Variants in TENM4 observed in about 807,000 individuals in gnomAD.
TENM4 encodes the protein teneurin transmembrane protein 4.
Under a neutral mutation model 243.3 loss-of-function variants are expected in TENM4, and 82 were observed. The ratio of observed to expected loss-of-function variants is 0.34; its 90% confidence interval spans 0.28 to 0.40. The LOEUF (loss-of-function observed/expected upper bound fraction) is 0.40. Ranked by LOEUF, TENM4 falls within the 10% of genes least tolerant of loss-of-function variation. The probability of loss-of-function intolerance (pLI) is 1.00; values close to 1 mark genes in which losing one functional copy is unlikely to be tolerated. For missense variants in TENM4, 3,138 were observed against 3,673.3 expected, an observed-to-expected ratio of 0.85 and a Z score of 3.77; for synonymous variants, 1,412 against 1,456.3, an observed-to-expected ratio of 0.97 and a Z score of 0.69.
rs535033389 is a variant in TENM4 at position 78,770,467 on chromosome 11, T to C, written c.2539+525A>G. Reference sequence around the variant, plus strand: ...AGCACCTCCTTCCTTGGGCTTTGACTGTCTAGCACTTTAAAAAAACCCAAA... The same window carrying C: ...AGCACCTCCTTCCTTGGGCTTTGACCGTCTAGCACTTTAAAAAAACCCAAA... On this transcript the variant is annotated intron_variant, in intron 18 of 33. Coordinates refer to ENST00000278550, the MANE Select transcript of TENM4 (RefSeq NM_001098816.3). 9.2e-5 allele frequency among the ~76,000 whole-genome samples: 14 copies of C among 152,378 alleles called. No homozygotes were observed. In the East Asian group the frequency reaches 2.3e-3, roughly 25 times the overall value.
rs148565853 is a variant in TENM4, at chr11:78,920,900, C to T, written c.494-17377G>A. Among the ~76,000 whole-genome samples, 296 of 152,298 alleles carry T rather than the reference C, an allele frequency of 1.9e-3. 8 individuals are homozygous for T. The East Asian group carries it at 0.051, about 26-fold the overall frequency. ...ATTTTTGTGGCGGCCAGTCTTTCCT[C>T]GTAAGTACATGCTGAGCCTCCTGTG... On this transcript the variant is annotated intron_variant, in intron 6 of 33. Coordinates refer to ENST00000278550, the MANE Select transcript of TENM4 (RefSeq NM_001098816.3).
At chr11:79,185,262 C>T (rs938719890) in intron 3 of TENM4, among the ~76,000 whole-genome samples, 4 of 152,094 alleles carry the variant, frequency 2.6e-5, no homozygotes, top group Non-Finnish European at 4.4e-5. Context: ...CGTACCACTG[C>T]ACTCTCCAGC....
At chr11:79,352,059 T>C (rs945971916) in intron 1 of TENM4, among the ~76,000 whole-genome samples, 3 of 152,206 alleles carry the variant, frequency 2.0e-5, no homozygotes, top group Non-Finnish European at 2.9e-5. Context: ...AGAGATAACA[T>C]GTATAAAAGA....
At chr11:78,703,158 A>G (rs1046143419) in intron 27 of TENM4, among the ~76,000 whole-genome samples, 1 of 152,180 alleles carries the variant, frequency 6.6e-6, no homozygotes, top group Non-Finnish European at 1.5e-5. Context: ...GAGCTTGGGC[A>G]TCGGCATTAT....
At chr11:78,862,364 T>C (rs1442263273) in intron 10 of TENM4, among the ~76,000 whole-genome samples, 1 of 152,130 alleles carries the variant, frequency 6.6e-6, no homozygotes, top group Non-Finnish European at 1.5e-5. Flanking sequence ...AGGATCTCTG[T>C]GGGAATTAAA....
intron 3 of TENM4, among the ~76,000 whole-genome samples, chr11:79,190,721 T>C (rs1309655728): frequency 2.0e-5 from 3 of 152,140 alleles, no homozygotes; most frequent in African/African-American, 7.2e-5. Context: ...GTTTTGTTAA[T>C]GTTGCAAAGC....
intron 1 of TENM4, among the ~76,000 whole-genome samples, chr11:79,392,047 T>C (rs1488262422): frequency 6.6e-6 from 1 of 152,212 alleles, no homozygotes; most frequent in Non-Finnish European, 1.5e-5. Flanking sequence ...AAACATTTAC[T>C]TATAACCAAC....
intron 4 of TENM4, among the ~76,000 whole-genome samples, chr11:79,079,757 A>T (rs1860618774): frequency 6.8e-6 from 1 of 146,130 alleles, no homozygotes; most frequent in Non-Finnish European, 1.5e-5. Flanking sequence ...TGAATCTGAG[A>T]GTTGGAGGAG....
chr11:78,838,217 T>C (rs1858163720), intron 12 of TENM4, among the ~76,000 whole-genome samples: 1 of 152,204 alleles, frequency 6.6e-6, no homozygotes, highest in Non-Finnish European at 1.5e-5. Context: ...ATACATTTTT[T>C]AAAGCTTTTC....
intron 6 of TENM4, among the ~76,000 whole-genome samples, chr11:78,934,502 G>T (rs11237662): frequency 0.036 from 5,538 of 152,232 alleles, 142 homozygotes; most frequent in Non-Finnish European, 0.063. Context: ...GGGTTAGACT[G>T]GCGGACCTGG....
chr11:79,040,178 T>G (rs1327519311), intron 6 of TENM4, among the ~76,000 whole-genome samples: 1 of 152,166 alleles, frequency 6.6e-6, no homozygotes, highest in African/African-American at 2.4e-5. Context: ...GGTGCAAGGA[T>G]GTTGGGAAGT....
At chr11:79,303,807 A>G (rs945010081) in intron 1 of TENM4, among the ~76,000 whole-genome samples, 1 of 152,182 alleles carries the variant, frequency 6.6e-6, no homozygotes, top group African/African-American at 2.4e-5. Flanking sequence ...TTAATGATGG[A>G]TGGCTGGCCT....
chr11:78,654,712 G>C lies in TENM4; in HGVS notation c.*3346C>G, dbSNP rs1273126373. ...GGGTTAATTCTCAGCCAACAATTCT[G>C]AGAGATGAGGGTCAGAGGCTGACAA... On this transcript the variant is annotated 3_prime_UTR_variant, in exon 34 of 34. Coordinates refer to ENST00000278550, the MANE Select transcript of TENM4 (RefSeq NM_001098816.3). 1 of 151,016 alleles carries C rather than the reference G, an allele frequency of 6.6e-6. No homozygotes were observed. Among genetic ancestry groups the C allele is most frequent in the Non-Finnish European group, 1.5e-5 (1 of 67,766 alleles). 9.4% of individuals were successfully genotyped at this position (151,016 alleles called of 1,614,324 possible).
At chr11:79,037,789 A>C (rs1027046820) in intron 6 of TENM4, among the ~76,000 whole-genome samples, 1 of 152,226 alleles carries the variant, frequency 6.6e-6, no homozygotes, top group Non-Finnish European at 1.5e-5. Context: ...CATAGCTAAG[A>C]ATGTAACGGT....
intron 1 of TENM4, among the ~76,000 whole-genome samples, chr11:79,409,903 G>A (rs1858662598): frequency 6.6e-6 from 1 of 152,104 alleles, no homozygotes; most frequent in Admixed American, 6.5e-5. Flanking sequence ...ATGAGCTCTA[G>A]TTGCCCACAG....
At chr11:78,960,072 G>T (rs905790357) in intron 6 of TENM4, among the ~76,000 whole-genome samples, 2 of 152,048 alleles carry the variant, frequency 1.3e-5, no homozygotes, top group African/African-American at 4.8e-5. Context: ...GGAAACTGAG[G>T]CTTAGAAAGA....
chr11:78,997,143 T>C (rs1350773413), intron 6 of TENM4, among the ~76,000 whole-genome samples: 1 of 152,190 alleles, frequency 6.6e-6, no homozygotes, highest in Non-Finnish European at 1.5e-5. Context: ...ATGTTTTGTG[T>C]ATAAAGCTCC....
intron 9 of TENM4, among the ~76,000 whole-genome samples, chr11:78,873,566 T>C (rs772549162): frequency 5.3e-5 from 8 of 152,298 alleles, no homozygotes; most frequent in African/African-American, 1.7e-4. Flanking sequence ...CTAACCACTA[T>C]ACCACACTGC....
intron 3 of TENM4, among the ~76,000 whole-genome samples, chr11:79,151,453 T>A (rs572962834): frequency 6.6e-5 from 10 of 152,274 alleles, no homozygotes; most frequent in Admixed American, 1.3e-4. Context: ...GTTGACTCTT[T>A]GAAAAAATAA....
Sources: allele counts gnomAD v4.1 joint callset (sites outside exome capture counted in the v4.1 genomes callset), GRCh38; gene constraint gnomAD v4.1.1; transcripts MANE v1.5; gene names NCBI Gene and HGNC (gene_info 2026-07-23, HGNC 2026-07-21).